Variants in CDH9 observed in about 807,000 individuals in gnomAD.
The protein encoded by CDH9 is cadherin-9.
In CDH9, 28 loss-of-function variants were observed where a neutral mutation model predicts 70.9. The ratio of observed to expected loss-of-function variants is 0.40; its 90% CI spans 0.29 to 0.54. CDH9 has a LOEUF of 0.54. Among genes scored for constraint, CDH9 ranks in the 20% least tolerant of loss-of-function variants. CDH9 has a pLI of 0.59. For synonymous variants in CDH9, 409 were observed against 343.1 expected (o/e 1.19, Z -2.12); for missense variants, 874 against 984.4 (o/e 0.89, Z 1.50).
intron 2 of CDH9, among the ~76,000 whole-genome samples, chr5:26,973,211 A>G (rs1294822933): frequency 6.6e-6 from 1 of 152,100 alleles, no homozygotes; most frequent in Non-Finnish European, 1.5e-5. Flanking sequence ...ATCACTGGGT[A>G]TCAGTGGGGC....
rs765085531 is a variant in CDH9, at chr5:26,988,380, T to C, written c.-47A>G. 17 of 1,590,530 alleles carry C rather than the reference T, an allele frequency of 1.1e-5. No individual in the cohort carries two copies. The Admixed American group carries it at 1.4e-4, about 13-fold the overall frequency. On this transcript the variant is annotated splice_region_variant and 5_prime_UTR_variant, in exon 2 of 12. Coordinates refer to ENST00000231021, the MANE Select transcript of CDH9 (RefSeq NM_016279.4). ...GTCAAATTCAATGTATTGTTTGTTT[T>C]TCCTAAAGAGTAAGGAGAAAAAAAA...
intron 3 of CDH9, among the ~76,000 whole-genome samples, chr5:26,907,460 A>T (rs1457062994): frequency 1.3e-5 from 2 of 152,114 alleles, no homozygotes; most frequent in African/African-American, 4.8e-5. Flanking sequence ...GCTGCATAAT[A>T]CTGGTTATTT....
At chr5:26,979,443 T>C (rs1471081218) in intron 2 of CDH9, among the ~76,000 whole-genome samples, 3 of 113,342 alleles carry the variant, frequency 2.6e-5, no homozygotes, top group Admixed American at 7.8e-5. Flanking sequence ...CAAAAGATGA[T>C]AGAAAAAAAT....
At chr5:26,983,060 T>C (rs1267465363) in intron 2 of CDH9, among the ~76,000 whole-genome samples, 1 of 152,146 alleles carries the variant, frequency 6.6e-6, no homozygotes, top group Non-Finnish European at 1.5e-5. Flanking sequence ...ATGGGTTTTA[T>C]GTAAGATTGT....
chr5:27,005,721 T>C (rs937174467), intron 1 of CDH9, among the ~76,000 whole-genome samples: 5 of 152,146 alleles, frequency 3.3e-5, no homozygotes, highest in African/African-American at 7.2e-5. Context: ...TATGTGTATG[T>C]TCATTGCAGC....
At chr5:27,015,778 G>A (rs1450599426) in intron 1 of CDH9, among the ~76,000 whole-genome samples, 1 of 151,662 alleles carries the variant, frequency 6.6e-6, no homozygotes, top group African/African-American at 2.4e-5. Context: ...CCACTTTTCA[G>A]AGCTGTCTTT....
At chr5:26,935,328 G>A (rs1741540724) in intron 2 of CDH9, among the ~76,000 whole-genome samples, 1 of 152,004 alleles carries the variant, frequency 6.6e-6, no homozygotes, top group African/African-American at 2.4e-5. Context: ...TGAGAAACAA[G>A]GCAAGAATGT....
At chr5:26,936,731 T>C (rs1370502104) in intron 2 of CDH9, among the ~76,000 whole-genome samples, 1 of 151,900 alleles carries the variant, frequency 6.6e-6, no homozygotes, top group East Asian at 1.9e-4. Context: ...ATCCCAGAAA[T>C]ATACTCAAAC....
In CDH9 at chr5:26,881,260, G is replaced by T; in HGVS notation, c.2246C>A (p.Ser749Ter). ...AYEGNDSIAD[S>*]LSSLESLTAD... ...TGTGAGAGATTCCAAAGAACTGAGC[G>T]AATCTGCTATGGAATCATTCCCTTC... Residue 749 changes from serine (S) to a stop codon, truncating the protein, a stop_gained, in exon 12 of 12, where the codon TCG (serine) becomes TAG (stop). Transcript: ENST00000231021. LOFTEE classifies it high-confidence loss of function. 1 of 1,613,252 alleles carries T rather than the reference G, an allele frequency of 6.2e-7. No homozygotes were observed. The highest frequency in any genetic ancestry group is 8.5e-7 in the Non-Finnish European group (1 of 1,179,358).
chr5:27,036,706 C>T (rs1284959125), intron 1 of CDH9, among the ~76,000 whole-genome samples: 2 of 151,780 alleles, frequency 1.3e-5, no homozygotes, highest in South Asian at 2.1e-4. Context: ...TGGATTTGCT[C>T]ATAATATGTA....
chr5:26,886,613 G>C (rs1325861300), intron 9 of CDH9, among the ~76,000 whole-genome samples: 2 of 151,930 alleles, frequency 1.3e-5, no homozygotes, highest in African/African-American at 4.8e-5. Context: ...TGAAGCTATG[G>C]ACACCATTAC....
intron 2 of CDH9, among the ~76,000 whole-genome samples, chr5:26,941,946 G>A (rs1474554938): frequency 6.6e-6 from 1 of 152,196 alleles, no homozygotes; most frequent in Non-Finnish European, 1.5e-5. Flanking sequence ...CACATGGCAA[G>A]AGGGCTATGC....
intron 1 of CDH9, among the ~76,000 whole-genome samples, chr5:26,999,635 A>G (rs1423737520): frequency 6.6e-6 from 1 of 152,204 alleles, no homozygotes; most frequent in African/African-American, 2.4e-5. Flanking sequence ...AGAAAGAATA[A>G]TCTTCTCAAC....
At chr5:26,928,632 G>A (rs1456111565) in intron 2 of CDH9, among the ~76,000 whole-genome samples, 1 of 151,940 alleles carries the variant, frequency 6.6e-6, no homozygotes, top group African/African-American at 2.4e-5. Flanking sequence ...CTTCGTACTG[G>A]TGTAAAAACA....
At chr5:27,000,129 A>G (rs555157944) in intron 1 of CDH9, among the ~76,000 whole-genome samples, 1 of 152,270 alleles carries the variant, frequency 6.6e-6, no homozygotes, top group South Asian at 2.1e-4. Flanking sequence ...TTTGTAACAC[A>G]TATCTGATAA....
intron 7 of CDH9, among the ~76,000 whole-genome samples, chr5:26,899,284 C>T (rs182937658): frequency 1.3e-5 from 2 of 152,000 alleles, no homozygotes; most frequent in Non-Finnish European, 2.9e-5. Flanking sequence ...GATCTAGAAC[C>T]AGAAATACCA....
chr5:26,922,348 A>G (rs978677898), intron 2 of CDH9, among the ~76,000 whole-genome samples: 2 of 152,150 alleles, frequency 1.3e-5, no homozygotes, highest in African/African-American at 2.4e-5. Flanking sequence ...AGAGAAAATA[A>G]AAAAACAACA....
At chr5:26,900,538 A>G (rs993460177) in intron 7 of CDH9, among the ~76,000 whole-genome samples, 3 of 152,094 alleles carry the variant, frequency 2.0e-5, no homozygotes, top group African/African-American at 7.2e-5. Flanking sequence ...ATAAGCAAAT[A>G]TGCTAGATGA....
chr5:26,939,027 G>A (rs528468321), intron 2 of CDH9, among the ~76,000 whole-genome samples: 8 of 151,836 alleles, frequency 5.3e-5, no homozygotes, highest in Non-Finnish European at 1.2e-4. Context: ...AAATTTGTAG[G>A]ATTTATATCA....
Sources: gnomAD v4.1 joint callset for allele counts (sites outside exome capture counted in the v4.1 genomes callset) on GRCh38, gnomAD v4.1.1 for gene constraint, MANE v1.5 for transcripts, NCBI Gene and HGNC (gene_info 2026-07-23, HGNC 2026-07-21) for gene names.